The following GUSB variants were observed in gnomAD, a reference collection of about 807,000 sequenced individuals.
The protein encoded by GUSB is glucuronidase beta, also known as beta-glucuronidase.
A neutral mutation model predicts 74.6 loss-of-function variants in GUSB; 51 were observed. The observed-to-expected ratio is 0.68, with a 90% confidence interval of 0.55 to 0.86. The LOEUF (loss-of-function observed/expected upper bound fraction) is 0.86, where lower values mean the gene tolerates loss of function less well. GUSB is among the 40% of genes least tolerant of loss of function. The pLI, the probability that GUSB is intolerant of heterozygous loss-of-function variation, is 0.00. For synonymous variants in GUSB, 360 were observed against 348.3 expected (o/e 1.03, Z -0.37); for missense variants, 736 against 853.7 (o/e 0.86, Z 1.72).
chr7:65,962,419 A>G (rs904099336), intron 11 of GUSB, among the ~76,000 whole-genome samples: 1 of 152,192 alleles, frequency 6.6e-6, no homozygotes, highest in Middle Eastern at 3.2e-3. Flanking sequence ...AAGGTTCAAG[A>G]CTGTTTCTTC....
intron 9 of GUSB, 22 bp downstream of exon 9, chr7:65,970,260 G>C: frequency 1.3e-6 from 2 of 1,516,050 alleles, no homozygotes; most frequent in South Asian, 1.1e-5. Flanking sequence ...GGGAGAAGTG[G>C]GGTGGGGACC....
chr7:65,976,066 G>C lies in GUSB; in HGVS notation c.861C>G (p.Leu287=). 1 of 1,613,932 alleles carries C rather than the reference G, an allele frequency of 6.2e-7. No individual in the cohort carries two copies. Among genetic ancestry groups the C allele is most frequent in the South Asian group, 1.1e-5 (1 of 91,090 alleles). Residue 287 remains leucine, a synonymous_variant, in exon 5 of 12, where the codon CTC becomes CTG. Transcript: ENST00000304895. ...QGQLKVPGVS[L]WWPYLMHERP... ...GTTCGTGCATCAGGTACGGCCACCAGAGGCTGACACCTGGCACCTTAAGTT... is the reference window on the plus strand; with the variant it reads ...GTTCGTGCATCAGGTACGGCCACCACAGGCTGACACCTGGCACCTTAAGTT...
intron 5 of GUSB, chr7:65,975,725 C>A: frequency 3.1e-6 from 1 of 318,960 alleles, no homozygotes; most frequent in African/African-American, 2.2e-5. Flanking sequence ...GTGGCATGTG[C>A]CTGTAGTCCC....
chr7:65,974,195 TG>T, intron 8 of GUSB, 99 bp downstream of exon 8: 1 of 1,141,352 alleles, frequency 8.8e-7, no homozygotes, highest in Non-Finnish European at 1.3e-6. Flanking sequence ...CCCATTGGGC[TG>T]GACACGAGGC....
At chr7:65,981,334 C>CA (rs1792004947) in intron 1 of GUSB, among the ~76,000 whole-genome samples, 2 of 149,864 alleles carry the variant, frequency 1.3e-5, no homozygotes, top group African/African-American at 4.9e-5. Flanking sequence ...CGGGTTCAAG[C>CA]AATTCTCCTG....
chr7:65,973,190 G>A (rs993162528), intron 8 of GUSB, among the ~76,000 whole-genome samples: 1 of 152,130 alleles, frequency 6.6e-6, no homozygotes, highest in Non-Finnish European at 1.5e-5. Flanking sequence ...GGTGGCTCAC[G>A]CCTGTAATCC....
At chr7:65,965,946 G>A (rs1181902137) in intron 10 of GUSB, among the ~76,000 whole-genome samples, 3 of 151,946 alleles carry the variant, frequency 2.0e-5, no homozygotes, top group Non-Finnish European at 2.9e-5. Context: ...CAAGGCGGGC[G>A]GATCACTTGA....
At chr7:65,980,449 A>G (rs1583948032) in intron 1 of GUSB, 40 bp from the exon 2 acceptor site, 3 of 1,580,740 alleles carry the variant, frequency 1.9e-6, no homozygotes, top group South Asian at 1.1e-5. Flanking sequence ...TAGGCCCCCA[A>G]AAGGGTCCAG....
intron 11 of GUSB, among the ~76,000 whole-genome samples, chr7:65,962,347 T>C (rs1317869298): frequency 6.6e-6 from 1 of 152,216 alleles, no homozygotes; most frequent in African/African-American, 2.4e-5. Flanking sequence ...GGACATTCTC[T>C]GTCCCCAGTA....
At chr7:65,962,091 C>T (rs1031551851) in intron 11 of GUSB, among the ~76,000 whole-genome samples, 3 of 152,170 alleles carry the variant, frequency 2.0e-5, no homozygotes, top group South Asian at 2.1e-4. Context: ...ACTGGGTAGG[C>T]AGAGGGCTAG....
In GUSB at chr7:65,976,203, C is replaced by T. The variant is rs866606409; in HGVS notation, c.725-1G>A. 1 of 1,610,190 alleles carries T rather than the reference C, an allele frequency of 6.2e-7. No individual in the cohort carries two copies. The highest frequency in any genetic ancestry group is 1.3e-5 in the African/African-American group (1 of 74,982). ...ACAGAGATCTGGTAATTCACCAGCC[C>T]TGCAAGAAACAAGAGAGACCAGGGC... is the stretch of plus-strand genomic sequence containing the variant. On this transcript the variant is annotated splice_acceptor_variant, in intron 4 of 11. Transcript: ENST00000304895. LOFTEE classifies it high-confidence loss of function.
chr7:65,982,173 C>A lies in GUSB; in HGVS notation c.11G>T (p.Gly4Val), dbSNP rs1355624664. 13 of 1,514,600 alleles carry A rather than the reference C, an allele frequency of 8.6e-6. No homozygotes were observed. The highest frequency in any genetic ancestry group is 1.1e-5 in the Non-Finnish European group (13 of 1,131,396). The allele number at this position is 1,514,600 out of a possible 1,614,324, so 93.8% of individuals were successfully genotyped here. Residue 4 changes from glycine to valine, a missense_variant, in exon 1 of 12, where the codon GGG becomes GTG. By Grantham distance (109) the Gly-to-Val change is moderately radical. Around this residue, in one of 2 missense-constraint regions of GUSB, gnomAD observed 368 missense variants for 363.8 expected, o/e 1.01. Coordinates refer to ENST00000304895, the MANE Select transcript of GUSB (RefSeq NM_000181.4). ...GAGCGCCGCCCAGGCAACCGCCGAC[C>A]CCCGGGCCATGCTTCCCGGTCCCCC... is the stretch of plus-strand genomic sequence containing the variant. MAR[G>V]SAVAWAALGP... is the part of the protein sequence containing the mutation.
rs1790927145 is a variant in GUSB, at chr7:65,967,716, C to T, written c.1653+15G>A. 6 of 1,609,550 alleles carry T rather than the reference C, an allele frequency of 3.7e-6. No homozygotes were observed. The highest frequency in any genetic ancestry group is 3.4e-6 in the Non-Finnish European group (4 of 1,176,608). On this transcript the variant is annotated intron_variant, in intron 10 of 11. Coordinates refer to ENST00000304895, the MANE Select transcript of GUSB (RefSeq NM_000181.4). Reference sequence around the variant, plus strand: ...CCTGAGAGAACACACAAGCAGAAAGCTCAACACTGCTTACCTGGTGAAACC... The same window carrying T: ...CCTGAGAGAACACACAAGCAGAAAGTTCAACACTGCTTACCTGGTGAAACC...
intron 9 of GUSB, 105 bp downstream of exon 9, chr7:65,970,177 C>T (rs1309332147): frequency 2.6e-6 from 2 of 774,406 alleles, no homozygotes; most frequent in African/African-American, 3.4e-5. Context: ...TGAAATAAAA[C>T]CCAGACTGGC....
chr7:65,974,005 G>A (rs1412423382), intron 8 of GUSB, among the ~76,000 whole-genome samples: 3 of 151,846 alleles, frequency 2.0e-5, no homozygotes, highest in East Asian at 1.9e-4. Context: ...ACTGAGGCAG[G>A]AGAATCACTT....
chr7:65,981,681 T>A (rs1426057294), intron 1 of GUSB, among the ~76,000 whole-genome samples: 2 of 152,026 alleles, frequency 1.3e-5, no homozygotes, highest in African/African-American at 4.8e-5. Flanking sequence ...CTCAAAAAAA[T>A]TTTTAAAAAT....
Position 65,979,691 on chromosome 7 carries a change from G to T in GUSB, c.581+36C>A, listed in dbSNP as rs748464871. On this transcript the variant is annotated intron_variant, in intron 3 of 11. Transcript: ENST00000304895. ...GGAAGACCACAGGGTGGGGCGGGAAGGTGGGTGTGTGCAATGGAGGCAGGA... is the reference window on the plus strand; with the variant it reads ...GGAAGACCACAGGGTGGGGCGGGAATGTGGGTGTGTGCAATGGAGGCAGGA... The T allele has an allele frequency of 1.9e-6, 3 of 1,603,400 alleles. No homozygotes were observed. In the South Asian group the frequency reaches 3.3e-5, roughly 18 times the overall value.
intron 9 of GUSB, among the ~76,000 whole-genome samples, chr7:65,968,236 A>AG (rs1790966832): frequency 1.3e-5 from 1 of 76,038 alleles, no homozygotes; most frequent in African/African-American, 3.1e-5. Flanking sequence ...CTACCAAAAA[A>AG]AAAAAAAAAA....
chr7:65,979,070 C>G (rs554281601), intron 4 of GUSB, among the ~76,000 whole-genome samples: 1 of 152,180 alleles, frequency 6.6e-6, no homozygotes, highest in East Asian at 1.9e-4. Flanking sequence ...TGCCCGGCGC[C>G]CCCCCCACCG....
Sources: gnomAD v4.1 joint callset for allele counts (sites outside exome capture counted in the v4.1 genomes callset) on GRCh38, gnomAD v4.1.1 for gene constraint, gnomAD v4.1.1 regional missense constraint, MANE v1.5 for transcripts, NCBI Gene and HGNC (gene_info 2026-07-23, HGNC 2026-07-21) for gene names.